BCAS3: variants seen among roughly 807,000 people sequenced by gnomAD.
BCAS3 encodes BCAS4/BCAS3 fusion.
A neutral mutation model predicts 116.1 loss-of-function variants in BCAS3; 53 were observed. The observed-to-expected ratio is 0.46, with a 90% CI of 0.37 to 0.57. BCAS3 has a LOEUF of 0.57. BCAS3 is among the 20% of genes least tolerant of loss of function. BCAS3 has a pLI of 0.00. For synonymous variants in BCAS3, 391 were observed against 408.2 expected, an observed-to-expected ratio of 0.96 and a Z score of 0.51; for missense variants, 917 against 1,165.4, an observed-to-expected ratio of 0.79 and a Z score of 3.10.
chr17:60,899,465 C>G (rs1437890620), intron 10 of BCAS3, among the ~76,000 whole-genome samples: 3 of 152,070 alleles, frequency 2.0e-5, no homozygotes, highest in Non-Finnish European at 4.4e-5. Flanking sequence ...GGGAATGAGC[C>G]CAGATCACAC....
intron 22 of BCAS3, among the ~76,000 whole-genome samples, chr17:61,102,949 A>G (rs1000579659): frequency 2.8e-4 from 43 of 152,268 alleles, no homozygotes; most frequent in African/African-American, 1.0e-3. Flanking sequence ...TCCTAAGAAG[A>G]TAGGTTATAC....
In BCAS3 at chr17:61,037,368, G is replaced by C. The variant is rs986223566; in HGVS notation, c.1763-521G>C. On this transcript the variant is annotated intron_variant, in intron 17 of 23. Coordinates refer to ENST00000407086, the MANE Select transcript of BCAS3 (RefSeq NM_017679.5). This position sits in a 1 kb window ranked among gnomAD's most constrained non-coding sequence, Gnocchi z 4.7. ...TTTGGGGCATAGTAGTATCATTCTT[G>C]AAGTAAGTTGCTTAAGATTGAAAAT... Among the ~76,000 whole-genome samples the C allele has an allele frequency of 6.6e-6, 1 of 152,196 alleles. No individual in the cohort carries two copies. Among genetic ancestry groups the C allele is most frequent in the African/African-American group, 2.4e-5 (1 of 41,440 alleles).
intron 6 of BCAS3, among the ~76,000 whole-genome samples, chr17:60,799,482 A>G (rs2047506392): frequency 6.7e-6 from 1 of 149,028 alleles, no homozygotes; most frequent in Non-Finnish European, 1.5e-5. Flanking sequence ...ACTGTTACAT[A>G]GTAGAATTAT....
intron 22 of BCAS3, among the ~76,000 whole-genome samples, chr17:61,311,558 GA>G (rs1853683258): frequency 6.6e-6 from 1 of 152,198 alleles, no homozygotes; most frequent in Non-Finnish European, 1.5e-5. Flanking sequence ...TAGGCTGCTT[GA>G]AGAACTTGGG....
chr17:61,359,677 G>C (rs759837657), intron 22 of BCAS3, among the ~76,000 whole-genome samples: 1 of 152,136 alleles, frequency 6.6e-6, no homozygotes. Context: ...TTTTAATAGC[G>C]ACAGGGTTTT....
intron 7 of BCAS3, among the ~76,000 whole-genome samples, chr17:60,846,260 C>A (rs2052525949): frequency 6.6e-6 from 1 of 152,124 alleles, no homozygotes. Context: ...TTTTTTCAGT[C>A]AGGATCAGGT....
chr17:60,882,045 A>G (rs1313738550), intron 9 of BCAS3, among the ~76,000 whole-genome samples: 1 of 148,570 alleles, frequency 6.7e-6, no homozygotes, highest in Admixed American at 6.6e-5. Flanking sequence ...GAACTAGTTT[A>G]CAGTCCCACC....
chr17:61,144,577 T>C lies in BCAS3; in HGVS notation c.2425+60013T>C, dbSNP rs1457717657. ...TTTCTGAAATGTTTGGCCTAATATT[T>C]TTTATAACATCTCTGTGAAAGTTTG... is the stretch of plus-strand genomic sequence containing the variant. On this transcript the variant is annotated intron_variant, in intron 22 of 23. Coordinates refer to ENST00000407086, the MANE Select transcript of BCAS3 (RefSeq NM_017679.5). The surrounding 1 kb of genome is among the most constrained non-coding windows in gnomAD (Gnocchi z 5.0). Among the ~76,000 whole-genome samples, 1 of 152,236 alleles carries C rather than the reference T, an allele frequency of 6.6e-6. No individual in the cohort carries two copies. The highest frequency in any genetic ancestry group is 1.9e-4 in the East Asian group (1 of 5,200).
intron 5 of BCAS3, among the ~76,000 whole-genome samples, chr17:60,742,658 C>T (rs768677263): frequency 3.3e-5 from 5 of 151,718 alleles, no homozygotes; most frequent in Non-Finnish European, 7.4e-5. Flanking sequence ...GTCTCGAACT[C>T]ATGACCTCAA....
chr17:60,990,089 T>G lies in BCAS3; in HGVS notation c.1340T>G (p.Met447Arg), dbSNP rs368741768. 7 of 1,614,214 alleles carry G rather than the reference T, an allele frequency of 4.3e-6. No individual in the cohort carries two copies. The highest frequency in any genetic ancestry group is 5.9e-6 in the Non-Finnish European group (7 of 1,180,038). ...YGGQPCVRTHMSPRVVNRMSR... is the reference protein window; with the variant it reads ...YGGQPCVRTHRSPRVVNRMSR... ...GGCCAGCCTTGTGTTCGTACACATA[T>G]GTCACCACGAGTAGTGAATCGCATG... Residue 447 changes from methionine to arginine, a missense_variant, in exon 15 of 24, where the codon ATG becomes AGG. Coordinates refer to ENST00000407086, the MANE Select transcript of BCAS3 (RefSeq NM_017679.5). The surrounding 1 kb of genome is among the most constrained non-coding windows in gnomAD (Gnocchi z 5.1).
In BCAS3 at chr17:61,077,865, C is replaced by T. The variant is rs749677884; in HGVS notation, c.2131-468C>T. On this transcript the variant is annotated intron_variant, in intron 20 of 23. Coordinates refer to ENST00000407086, the MANE Select transcript of BCAS3 (RefSeq NM_017679.5). This position sits in a 1 kb window ranked among gnomAD's most constrained non-coding sequence, Gnocchi z 4.3. ...TCCTTGGATGGTTCAAGAACAACTT[C>T]ACGTTTGTCATAAGCTTGATCCTCA... Among the ~76,000 whole-genome samples, 2 of 152,090 alleles carry T rather than the reference C, an allele frequency of 1.3e-5. No individual in the cohort carries two copies. Among genetic ancestry groups the T allele is most frequent in the Non-Finnish European group, 2.9e-5 (2 of 68,010 alleles).
At chr17:61,314,059 C>G (rs950627979) in intron 22 of BCAS3, among the ~76,000 whole-genome samples, 3 of 152,216 alleles carry the variant, frequency 2.0e-5, no homozygotes, top group Non-Finnish European at 2.9e-5. Context: ...AATGTCAGAA[C>G]TGGAAGGGCC....
chr17:60,986,567 G>A (rs1475030689), intron 14 of BCAS3, among the ~76,000 whole-genome samples: 1 of 152,054 alleles, frequency 6.6e-6, no homozygotes. Context: ...TCTCATTGTA[G>A]TTTTGATTTT....
chr17:61,073,435 A>C lies in BCAS3; in HGVS notation c.2030-1485A>C, dbSNP rs2071623005. On this transcript the variant is annotated intron_variant, in intron 19 of 23. Coordinates refer to ENST00000407086, the MANE Select transcript of BCAS3 (RefSeq NM_017679.5). The surrounding 1 kb of genome is among the most constrained non-coding windows in gnomAD (Gnocchi z 4.6). Reference sequence around the variant, plus strand: ...TCTTGCCCTAGGTTATGCTTTGTCTACTTTATTTGTATCTGTTTCACTAAG... The same window carrying C: ...TCTTGCCCTAGGTTATGCTTTGTCTCCTTTATTTGTATCTGTTTCACTAAG... Among the ~76,000 whole-genome samples, 1 of 152,118 alleles carries C rather than the reference A, an allele frequency of 6.6e-6. No homozygotes were observed. Among genetic ancestry groups the C allele is most frequent in the South Asian group, 2.1e-4 (1 of 4,826 alleles).
chr17:61,165,678 C>CTTTTGTCTCAGAAACTT (rs763936218), intron 22 of BCAS3, among the ~76,000 whole-genome samples: 3 of 152,132 alleles, frequency 2.0e-5, no homozygotes, highest in Non-Finnish European at 4.4e-5. Flanking sequence ...AAGAGTGAAA[C>CTTTTGTCTCAGAAACTT]TCTGTCTCAG....
intron 22 of BCAS3, among the ~76,000 whole-genome samples, chr17:61,273,990 G>A (rs1204050115): frequency 1.3e-5 from 2 of 149,036 alleles, no homozygotes; most frequent in Admixed American, 6.7e-5. Flanking sequence ...TTAAGTTTTA[G>A]GGTACATGTG....
rs138709926 is a variant in BCAS3 at position 60,708,381 on chromosome 17, C to G, written c.215-838C>G. On this transcript the variant is annotated intron_variant, in intron 4 of 23. Transcript: ENST00000407086. ...TTGATGTTATTATTATTTTTAGAGC[C>G]AGGGCCTTACTCTGTCACCCAAGCT... 1.7e-4 allele frequency among the ~76,000 whole-genome samples: 25 copies of G among 150,836 alleles called. 1 individual carries two copies. The East Asian group carries it at 5.0e-3, about 30-fold the overall frequency.
At chr17:61,268,262 T>C (rs2049930161) in intron 22 of BCAS3, among the ~76,000 whole-genome samples, 1 of 152,222 alleles carries the variant, frequency 6.6e-6, no homozygotes, top group African/African-American at 2.4e-5. Context: ...TATTCCTCAA[T>C]CTAGTTGGGA....
Position 60,920,870 on chromosome 17 carries a change from AAACAACAACAACAACAACAACAAC to A in BCAS3, c.994-3508_994-3485del, listed in dbSNP as rs58062382. ...GGGCGACAGAGCAAGACTCCATCGC[AAACAACAACAACAACAACAACAAC>A]AACAACAACAACAACAACAACAACA... On this transcript the variant is annotated intron_variant, in intron 12 of 23. Coordinates refer to ENST00000407086, the MANE Select transcript of BCAS3 (RefSeq NM_017679.5). Among the ~76,000 whole-genome samples, 862 of 146,654 alleles carry A rather than the reference AAACAACAACAACAACAACAACAAC, an allele frequency of 5.9e-3. 8 individuals carry two copies. Among genetic ancestry groups the A allele is most frequent in the African/African-American group, 0.02 (794 of 39,892 alleles).
Sources: gnomAD v4.1 joint callset for allele counts (sites outside exome capture counted in the v4.1 genomes callset) on GRCh38, gnomAD v4.1.1 for gene constraint, Gnocchi (gnomAD v3.1) non-coding constraint, MANE v1.5 for transcripts, NCBI Gene and HGNC (gene_info 2026-07-23, HGNC 2026-07-21) for gene names.